The following CSMD2 variants were observed in gnomAD, a reference collection of about 807,000 sequenced individuals.
The protein encoded by CSMD2 is CUB and sushi domain-containing protein 2.
CSMD2 carries 130 observed loss-of-function variants against 398.5 expected under a neutral mutation model. The observed-to-expected ratio is 0.33, with a 90% CI of 0.28 to 0.38. The LOEUF is 0.38. Among genes scored for constraint, CSMD2 ranks in the 10% least tolerant of loss-of-function variants. The pLI is 1.00. For synonymous variants in CSMD2, 1,828 were observed against 1,908.5 expected (o/e 0.96, Z 1.10); for missense variants, 3,829 against 4,764.9 (o/e 0.80, Z 5.78).
intron 10 of CSMD2, among the ~76,000 whole-genome samples, chr1:33,794,591 T>A (rs1654717065): frequency 6.6e-6 from 1 of 152,218 alleles, no homozygotes; most frequent in African/African-American, 2.4e-5. Flanking sequence ...AGTCAGATTA[T>A]GAGAGGCTGC....
intron 57 of CSMD2, among the ~76,000 whole-genome samples, chr1:33,544,730 A>G (rs1656706427): frequency 6.6e-6 from 1 of 152,010 alleles, no homozygotes; most frequent in Admixed American, 6.6e-5. Flanking sequence ...GAAAGAAAAA[A>G]TAAGTTCAAT....
At position 33,990,676 on chromosome 1, in the gene CSMD2, T is replaced by C. The variant is rs1397669964; in HGVS notation, c.517+41918A>G. On this transcript the variant is annotated intron_variant, in intron 3 of 70. Transcript: ENST00000373381. ...CTATCAGACCTATCTTGATCCAAAC[T>C]TCAGCTCTGCCAAGTCACTTGATCT... Among the ~76,000 whole-genome samples the C allele has an allele frequency of 3.9e-5, 6 of 152,268 alleles. No individual in the cohort carries two copies. The South Asian group carries it at 8.3e-4, about 21-fold the overall frequency.
chr1:33,529,845 C>G (rs1655088997), intron 64 of CSMD2, among the ~76,000 whole-genome samples: 1 of 152,098 alleles, frequency 6.6e-6, no homozygotes. Flanking sequence ...AAAAGACACC[C>G]CGTGAAATGG....
intron 2 of CSMD2, among the ~76,000 whole-genome samples, chr1:34,054,736 T>G (rs1444463024): frequency 6.6e-6 from 1 of 151,980 alleles, no homozygotes; most frequent in Non-Finnish European, 1.5e-5. Flanking sequence ...CGAGACTCTG[T>G]CTCTTTAAAA....
In CSMD2 at chr1:33,716,464, A is replaced by C; in HGVS notation, c.3039T>G (p.Ser1013Arg). 6.2e-7 allele frequency: 1 copy of C among 1,613,870 alleles called. No individual in the cohort carries two copies. Among genetic ancestry groups the C allele is most frequent in the Non-Finnish European group, 8.5e-7 (1 of 1,180,008 alleles). Residue 1013 changes from serine to arginine, a missense_variant, in exon 20 of 71, where the codon AGT (serine) becomes AGG (arginine). Coordinates refer to ENST00000373381, the MANE Select transcript of CSMD2 (RefSeq NM_001281956.2). ...CAGTGATGAGGAGGTAGTCATGGCC[A>C]CTTTCCAGGTGGAAGGTGTGGAAAG... is the stretch of plus-strand genomic sequence containing the variant. ...FFTFHTFHLE[S>R]GHDYLLITEN...
intron 5 of CSMD2, chr1:33,864,363 G>T (rs140191038): frequency 6.2e-7 from 1 of 1,614,096 alleles, no homozygotes; most frequent in Admixed American, 1.7e-5. Context: ...GCATGAAAAG[G>T]CCAAATATGA....
intron 4 of CSMD2, among the ~76,000 whole-genome samples, chr1:33,934,628 A>G (rs1036229477): frequency 6.6e-5 from 10 of 152,250 alleles, no homozygotes; most frequent in African/African-American, 2.2e-4. Flanking sequence ...TGGAAAGGAC[A>G]TACATTAAAA....
chr1:33,683,370 CTCTTTTAATGAGTGGT>C (rs1644967452), intron 25 of CSMD2, among the ~76,000 whole-genome samples: 1 of 151,996 alleles, frequency 6.6e-6, no homozygotes, highest in African/African-American at 2.4e-5. Flanking sequence ...GGAGATGGTT[CTCTTTTAATGAGTGGT>C]ATGTTTTAAG....
At chr1:34,002,675 T>C (rs1234563266) in intron 3 of CSMD2, among the ~76,000 whole-genome samples, 1 of 152,220 alleles carries the variant, frequency 6.6e-6, no homozygotes, top group African/African-American at 2.4e-5. Flanking sequence ...TCCCATGTTC[T>C]TTGGGGAGCC....
intron 5 of CSMD2, among the ~76,000 whole-genome samples, chr1:33,893,773 G>T (rs1215538533): frequency 2.0e-5 from 3 of 152,202 alleles, no homozygotes; most frequent in Admixed American, 6.5e-5. Flanking sequence ...GTGTGTGTGT[G>T]ACCTAAATCC....
At chr1:33,865,648 C>T (rs941305564) in intron 5 of CSMD2, among the ~76,000 whole-genome samples, 4 of 152,024 alleles carry the variant, frequency 2.6e-5, no homozygotes, top group Admixed American at 6.5e-5. Context: ...TGGGGGACAC[C>T]GCAGTCCAGG....
At chr1:33,553,529 C>A (rs1657662595) in intron 55 of CSMD2, among the ~76,000 whole-genome samples, 1 of 152,156 alleles carries the variant, frequency 6.6e-6, no homozygotes, top group Non-Finnish European at 1.5e-5. Context: ...CAGTTAATAG[C>A]CCTATGATGT....
At chr1:33,560,683 C>T (rs1658459299) in intron 53 of CSMD2, among the ~76,000 whole-genome samples, 1 of 152,230 alleles carries the variant, frequency 6.6e-6, no homozygotes, top group Non-Finnish European at 1.5e-5. Context: ...TTGCTCTGCT[C>T]AACCTCTCTC....
intron 5 of CSMD2, among the ~76,000 whole-genome samples, chr1:33,894,839 T>C (rs1304915818): frequency 6.6e-6 from 1 of 152,132 alleles, no homozygotes; most frequent in Non-Finnish European, 1.5e-5. Flanking sequence ...TGTTGGGGCA[T>C]CCGGGTCACT....
At chr1:33,634,832 A>T (rs1257645877) in intron 31 of CSMD2, among the ~76,000 whole-genome samples, 1 of 151,644 alleles carries the variant, frequency 6.6e-6, no homozygotes, top group Non-Finnish European at 1.5e-5. Flanking sequence ...GCTCCATCCC[A>T]TTCCTCTCCT....
chr1:34,077,945 A>G (rs76210575), intron 2 of CSMD2, among the ~76,000 whole-genome samples: 5,453 of 152,156 alleles, frequency 0.036, 135 homozygotes, highest in Non-Finnish European at 0.054. Context: ...AAATAAAATA[A>G]TTTTTTAAAA....
At chr1:33,813,541 G>A (rs1331514340) in intron 9 of CSMD2, among the ~76,000 whole-genome samples, 1 of 152,070 alleles carries the variant, frequency 6.6e-6, no homozygotes, top group Admixed American at 6.5e-5. Flanking sequence ...CTTCTGGATC[G>A]CTTTCAGGAG....
At chr1:33,520,945 A>T (rs1027409436) in intron 68 of CSMD2, among the ~76,000 whole-genome samples, 1 of 152,192 alleles carries the variant, frequency 6.6e-6, no homozygotes, top group Admixed American at 6.5e-5. Context: ...GATGTTTGAC[A>T]TGGATGACAG....
In CSMD2 at chr1:33,540,601, C is replaced by A; in HGVS notation, c.9555G>T (p.Gly3185=). The change falls in exon 60 of 71, where the codon GGG becomes GGT. Residue 3185 remains glycine, a synonymous_variant. Coordinates refer to ENST00000373381, the MANE Select transcript of CSMD2 (RefSeq NM_001281956.2). ...GSSVTYACLE[G]YQLSLPAVFT... is the part of the protein sequence containing the mutation. Reference sequence around the variant, plus strand: ...ACACCGCGGGCAGGGAGAGCTGGTACCCCTCCAGGCAGGCATAAGTCACAC... The same window carrying A: ...ACACCGCGGGCAGGGAGAGCTGGTAACCCTCCAGGCAGGCATAAGTCACAC... 6.2e-7 allele frequency: 1 copy of A among 1,614,202 alleles called. No individual in the cohort carries two copies. Among genetic ancestry groups the A allele is most frequent in the South Asian group, 1.1e-5 (1 of 91,088 alleles).
Sources: gnomAD v4.1 joint callset for allele counts (sites outside exome capture counted in the v4.1 genomes callset) on GRCh38, gnomAD v4.1.1 for gene constraint, MANE v1.5 for transcripts, NCBI Gene and HGNC (gene_info 2026-07-23, HGNC 2026-07-21) for gene names.